Variants in LRRC7 observed in about 807,000 individuals in gnomAD.
The protein encoded by LRRC7 is leucine-rich repeat-containing protein 7.
In LRRC7, 23 loss-of-function variants were observed where a neutral mutation model predicts 175.7. That is an observed-to-expected ratio of 0.13 (90% CI 0.09 to 0.19). The LOEUF (loss-of-function observed/expected upper bound fraction) is 0.19, where lower values mean the gene tolerates loss of function less well. Among genes scored for constraint, LRRC7 ranks in the 10% least tolerant of loss-of-function variants. The pLI is 1.00. For synonymous variants in LRRC7, 685 were observed against 680.9 expected, an observed-to-expected ratio of 1.01 and a Z score of -0.09; for missense variants, 1,354 against 1,904.7, an observed-to-expected ratio of 0.71 and a Z score of 5.38.
intron 2 of LRRC7, among the ~76,000 whole-genome samples, chr1:69,716,584 C>T (rs1314756397): frequency 6.6e-6 from 1 of 151,750 alleles, no homozygotes; most frequent in South Asian, 2.1e-4. Flanking sequence ...ATTGATTCCT[C>T]TCATAAGCCA....
chr1:70,132,826 T>C lies in LRRC7; in HGVS notation c.*10939T>C, dbSNP rs2102272316. ...ACAGTGTGGCTACAGGTAAAAGCTC[T>C]GTGGAGAAAGGAGCAAAATTATTGT... On this transcript the variant is annotated 3_prime_UTR_variant, in exon 27 of 27. Coordinates refer to ENST00000651989, the MANE Select transcript of LRRC7 (RefSeq NM_001370785.2). Among the ~76,000 whole-genome samples the C allele has an allele frequency of 6.6e-6, 1 of 152,204 alleles. No homozygotes were observed. Among genetic ancestry groups the C allele is most frequent in the South Asian group, 2.1e-4 (1 of 4,812 alleles).
At chr1:69,819,554 G>GCTCTCTCT (rs147116955) in intron 4 of LRRC7, among the ~76,000 whole-genome samples, 228 of 134,524 alleles carry the variant, frequency 1.7e-3, no homozygotes, top group African/African-American at 6.0e-3. Flanking sequence ...TGAATGGAAT[G>GCTCTCTCT]CTCTCTCTCT....
At chr1:69,744,607 G>A (rs780451596) in intron 2 of LRRC7, among the ~76,000 whole-genome samples, 2 of 151,780 alleles carry the variant, frequency 1.3e-5, no homozygotes, top group Non-Finnish European at 2.9e-5. Context: ...ATGGGTTCAA[G>A]AAAGAATGTG....
intron 1 of LRRC7, among the ~76,000 whole-genome samples, chr1:69,628,965 A>G (rs1652042841): frequency 6.6e-6 from 1 of 152,164 alleles, no homozygotes; most frequent in Admixed American, 6.5e-5. Flanking sequence ...CACAAAAAAT[A>G]GCTCAAAATG....
At chr1:69,854,958 C>G (rs1683423711) in intron 7 of LRRC7, among the ~76,000 whole-genome samples, 2 of 152,192 alleles carry the variant, frequency 1.3e-5, no homozygotes, top group South Asian at 4.1e-4. Flanking sequence ...TTTTTCAACT[C>G]TTAATACTTT....
intron 2 of LRRC7, among the ~76,000 whole-genome samples, chr1:69,739,905 T>G (rs1668519647): frequency 6.6e-6 from 1 of 152,066 alleles, no homozygotes; most frequent in Non-Finnish European, 1.5e-5. Flanking sequence ...TGAATGCACT[T>G]AAGTGTACAG....
chr1:69,665,950 G>T (rs1658205475), intron 1 of LRRC7, among the ~76,000 whole-genome samples: 1 of 152,008 alleles, frequency 6.6e-6, no homozygotes, highest in Non-Finnish European at 1.5e-5. Flanking sequence ...TATGATACTA[G>T]CTGTGGATCT....
chr1:70,127,480 C>A lies in LRRC7; in HGVS notation c.*5593C>A. Reference sequence around the variant, plus strand: ...GATTTTAACCATGTGATTATGTCAACCTTCCCTAAGAACAGTTCTATGGGA... The same window carrying A: ...GATTTTAACCATGTGATTATGTCAAACTTCCCTAAGAACAGTTCTATGGGA... On this transcript the variant is annotated 3_prime_UTR_variant, in exon 27 of 27. Transcript: ENST00000651989. Among the ~76,000 whole-genome samples, 1 of 152,152 alleles carries A rather than the reference C, an allele frequency of 6.6e-6. No individual in the cohort carries two copies. The highest frequency in any genetic ancestry group is 1.9e-4 in the East Asian group (1 of 5,186).
chr1:69,622,576 T>G (rs1650800787), intron 1 of LRRC7, among the ~76,000 whole-genome samples: 1 of 152,192 alleles, frequency 6.6e-6, no homozygotes, highest in Non-Finnish European at 1.5e-5. Flanking sequence ...TAGGAAGTAC[T>G]GGCTCTTGCG....
intron 3 of LRRC7, among the ~76,000 whole-genome samples, chr1:69,787,780 A>G (rs1015574998): frequency 5.9e-5 from 9 of 152,166 alleles, no homozygotes; most frequent in African/African-American, 2.2e-4. Context: ...AAATTTCTGC[A>G]GCCAACTTAA....
intron 5 of LRRC7, among the ~76,000 whole-genome samples, chr1:69,829,218 G>T (rs1367063760): frequency 6.6e-6 from 1 of 151,792 alleles, no homozygotes; most frequent in East Asian, 1.9e-4. Flanking sequence ...AATTGCAAAG[G>T]TCACATGAAA....
intron 7 of LRRC7, among the ~76,000 whole-genome samples, chr1:69,853,952 TAC>T (rs1022050509): frequency 1.1e-4 from 16 of 152,328 alleles, no homozygotes; most frequent in Middle Eastern, 3.4e-3. Context: ...GAATAGATGA[TAC>T]AGAGTCTCAT....
rs1667121326 is a variant in LRRC7 at position 70,142,882 on chromosome 1, C to G, written c.*20995C>G. On this transcript the variant is annotated 3_prime_UTR_variant, in exon 27 of 27. Coordinates refer to ENST00000651989, the MANE Select transcript of LRRC7 (RefSeq NM_001370785.2). ...GTTAAGAATTATATGTAAAAGGATA[C>G]TAGATATTATGTTTTGGATGTTTTC... is the stretch of plus-strand genomic sequence containing the variant. The G allele has an allele frequency of 6.6e-6, 1 of 151,940 alleles. No individual in the cohort carries two copies. Among genetic ancestry groups the G allele is most frequent in the Non-Finnish European group, 1.5e-5 (1 of 67,964 alleles). The allele number at this position is 151,940 out of a possible 1,614,324, so 9.4% of individuals were successfully genotyped here. A position where few individuals can be genotyped will look rare whatever the true frequency, so the allele number is the denominator to read the frequency against.
intron 4 of LRRC7, among the ~76,000 whole-genome samples, chr1:69,803,473 G>C (rs940484233): frequency 6.6e-6 from 1 of 151,294 alleles, no homozygotes; most frequent in African/African-American, 2.4e-5. Context: ...TTTTGTTAGA[G>C]TTATGTTTAA....
intron 8 of LRRC7, among the ~76,000 whole-genome samples, chr1:69,958,868 A>G (rs939293616): frequency 6.6e-6 from 1 of 152,088 alleles, no homozygotes; most frequent in African/African-American, 2.4e-5. Flanking sequence ...GTCTTAACCA[A>G]TTGTCTTAAA....
intron 26 of LRRC7, among the ~76,000 whole-genome samples, chr1:70,118,582 G>T (rs1297982134): frequency 6.6e-6 from 1 of 152,072 alleles, no homozygotes; most frequent in East Asian, 1.9e-4. Context: ...CAAATTACTT[G>T]ACATGATTGT....
intron 7 of LRRC7, among the ~76,000 whole-genome samples, chr1:69,857,339 T>C (rs1173359095): frequency 2.6e-5 from 4 of 152,192 alleles, no homozygotes; most frequent in Non-Finnish European, 4.4e-5. Context: ...TGTTTGCAGA[T>C]GACATGATTG....
chr1:70,100,503 C>T (rs557343894), intron 25 of LRRC7, among the ~76,000 whole-genome samples: 1 of 152,168 alleles, frequency 6.6e-6, no homozygotes, highest in Non-Finnish European at 1.5e-5. Context: ...TTGGGTTGCA[C>T]TAGTCTCTTT....
In LRRC7 at chr1:69,694,437, C is replaced by T. The variant is rs190980193; in HGVS notation, c.100+15959C>T. On this transcript the variant is annotated intron_variant, in intron 2 of 26. Transcript: ENST00000651989. ...TGATTTTCCCTGATTTTTTTCTCCT[C>T]TTGGAGATTCATTCCAGACATTCCA... Among the ~76,000 whole-genome samples the T allele has an allele frequency of 3.6e-3, 552 of 152,264 alleles. 4 individuals are homozygous for T. Among genetic ancestry groups the T allele is most frequent in the Non-Finnish European group, 3.5e-3 (236 of 68,022 alleles).
Sources: allele counts gnomAD v4.1 joint callset (sites outside exome capture counted in the v4.1 genomes callset), GRCh38; gene constraint gnomAD v4.1.1; transcripts MANE v1.5; gene names NCBI Gene and HGNC (gene_info 2026-07-23, HGNC 2026-07-21).